Variants in VPS35 observed in about 807,000 individuals in gnomAD.
VPS35 encodes VPS35 retromer complex component, also known as vacuolar protein sorting-associated protein 35.
Under a neutral mutation model 98.1 loss-of-function variants are expected in VPS35, and 21 were observed. That is an observed-to-expected ratio of 0.21 (90% CI 0.15 to 0.31). The LOEUF (loss-of-function observed/expected upper bound fraction) is 0.31. VPS35 is among the 10% of genes least tolerant of loss of function. The pLI is 1.00. For synonymous variants in VPS35, 268 were observed against 318.2 expected, an observed-to-expected ratio of 0.84 and a Z score of 1.68; for missense variants, 554 against 950.8, an observed-to-expected ratio of 0.58 and a Z score of 5.49.
intron 13 of VPS35, 86 bp from the exon 14 acceptor site, chr16:46,663,248 T>A: frequency 8.0e-7 from 1 of 1,245,136 alleles, no homozygotes; most frequent in Non-Finnish European, 1.1e-6. Flanking sequence ...CAAAATACTG[T>A]AAGTTGTGTG....
intron 6 of VPS35, 139 bp from the exon 7 acceptor site, chr16:46,677,537 A>C: frequency 2.6e-6 from 2 of 759,048 alleles, no homozygotes; most frequent in South Asian, 3.2e-5. Flanking sequence ...CTAAACTTTA[A>C]AAGCTTTTTT....
chr16:46,681,585 T>C, intron 3 of VPS35, 85 bp from the exon 4 acceptor site: 1 of 1,472,740 alleles, frequency 6.8e-7, no homozygotes, highest in South Asian at 1.2e-5. Flanking sequence ...TACTAACTAC[T>C]GGGCAGACAT....
At chr16:46,666,234 T>G (rs902883055) in intron 13 of VPS35, among the ~76,000 whole-genome samples, 2 of 149,620 alleles carry the variant, frequency 1.3e-5, no homozygotes, top group Admixed American at 1.3e-4. Context: ...GCTAGGACTA[T>G]AGGCATGTAC....
intron 1 of VPS35, among the ~76,000 whole-genome samples, chr16:46,686,088 C>G (rs111605519): frequency 6.6e-6 from 1 of 152,220 alleles, no homozygotes; most frequent in Non-Finnish European, 1.5e-5. Context: ...CTTCTTTTCT[C>G]TGAGTTTGAC....
intron 12 of VPS35, among the ~76,000 whole-genome samples, chr16:46,669,496 G>A (rs979182992): frequency 4.6e-5 from 7 of 151,964 alleles, no homozygotes; most frequent in South Asian, 2.1e-4. Context: ...GGGAAACCCT[G>A]TATCTACTAA....
chr16:46,663,169 C>T lies in VPS35; in HGVS notation c.1648-7G>A. Reference sequence around the variant, plus strand: ...TCTTTTCCCATTTGTCATCCTAAAACAAGAAAAAACATTTTAAGTTACCTT... The same window carrying T: ...TCTTTTCCCATTTGTCATCCTAAAATAAGAAAAAACATTTTAAGTTACCTT... On this transcript the variant is annotated splice_polypyrimidine_tract_variant and splice_region_variant and intron_variant, in intron 13 of 16. Coordinates refer to ENST00000299138, the MANE Select transcript of VPS35 (RefSeq NM_018206.6). The T allele has an allele frequency of 6.2e-7, 1 of 1,611,718 alleles. No homozygotes were observed.
chr16:46,677,943 A>G (rs2143008313), intron 6 of VPS35, among the ~76,000 whole-genome samples: 1 of 152,258 alleles, frequency 6.6e-6, no homozygotes, highest in African/African-American at 2.4e-5. Flanking sequence ...TGTTTTTTCT[A>G]TATGGTATGA....
intron 1 of VPS35, among the ~76,000 whole-genome samples, chr16:46,685,093 T>G (rs1472744176): frequency 6.6e-6 from 1 of 152,202 alleles, no homozygotes; most frequent in African/African-American, 2.4e-5. Flanking sequence ...CCAAAGGTGG[T>G]GATTGTACAG....
intron 12 of VPS35, among the ~76,000 whole-genome samples, chr16:46,670,783 A>G (rs1966056882): frequency 6.6e-6 from 1 of 152,212 alleles, no homozygotes; most frequent in African/African-American, 2.4e-5. Flanking sequence ...AGACCATCAC[A>G]CTATCAACAG....
At chr16:46,667,135 C>A (rs948491188) in intron 13 of VPS35, among the ~76,000 whole-genome samples, 4 of 152,176 alleles carry the variant, frequency 2.6e-5, no homozygotes, top group Non-Finnish European at 5.9e-5. Context: ...ACTTGATTTT[C>A]TGTTTTTTTG....
rs1965842187 is a variant in VPS35 at position 46,656,169 on chromosome 16, A to T, written c.*4303T>A. 6.6e-6 allele frequency: 1 copy of T among 152,042 alleles called. No individual in the cohort carries two copies. Among genetic ancestry groups the T allele is most frequent in the African/African-American group, 2.4e-5 (1 of 41,378 alleles). 9.4% of individuals were successfully genotyped at this position (152,042 alleles called of 1,614,324 possible). On this transcript the variant is annotated 3_prime_UTR_variant, in exon 17 of 17. Transcript: ENST00000299138. The stretch of plus-strand genomic sequence containing the variant: ...TAGATTTTACATTTTACATTTGCAA[A>T]ACCATACTAGAAGATACGGCTCCTT...
chr16:46,678,843 GT>G, intron 6 of VPS35, 99 bp downstream of exon 6: 2 of 1,244,044 alleles, frequency 1.6e-6, no homozygotes, highest in Non-Finnish European at 2.3e-6. Context: ...ATTTTAAGAT[GT>G]TTTTCAATGT....
intron 10 of VPS35, chr16:46,673,581 A>G (rs1389179307): frequency 6.6e-6 from 1 of 152,534 alleles, no homozygotes; most frequent in East Asian, 1.9e-4. Context: ...AGTGGCCACT[A>G]GAGGACGCCA....
chr16:46,669,055 G>T lies in VPS35; in HGVS notation c.1525-3C>A, dbSNP rs1482647778. 1 of 1,613,822 alleles carries T rather than the reference G, an allele frequency of 6.2e-7. No individual in the cohort carries two copies. The highest frequency in any genetic ancestry group is 1.1e-5 in the South Asian group (1 of 91,050). ...TGTTTTCGTGCTGTGTTCAAAATCT[G>T]ACCCAAAAGCATTAAAGAAAAAAAA... On this transcript the variant is annotated splice_region_variant and splice_polypyrimidine_tract_variant and intron_variant, in intron 12 of 16. Coordinates refer to ENST00000299138, the MANE Select transcript of VPS35 (RefSeq NM_018206.6).
At chr16:46,672,216 T>G (rs1338159697) in intron 11 of VPS35, 49 bp downstream of exon 11, 1 of 1,564,652 alleles carries the variant, frequency 6.4e-7, no homozygotes, top group Admixed American at 1.7e-5. Context: ...GTCCAAAGTC[T>G]AAAATTGTAA....
chr16:46,679,291 TTA>T, intron 5 of VPS35, 135 bp from the exon 6 acceptor site: 1 of 830,582 alleles, frequency 1.2e-6, no homozygotes, highest in South Asian at 1.6e-5. Context: ...CTTCATTGGC[TTA>T]GTGTTAAATT....
Position 46,660,186 on chromosome 16 carries a change from TTTGTG to T in VPS35, c.*281_*285del, listed in dbSNP as rs1157892963. ...GTAGCCAAGATAAGTGCTTGTGGGT[TTTGTG>T]TTTTTTTTTTTTTTTTTTTTTACAG... On this transcript the variant is annotated 3_prime_UTR_variant, in exon 17 of 17. Transcript: ENST00000299138. The T allele has an allele frequency of 6.8e-5, 8 of 117,294 alleles. No individual in the cohort carries two copies. Among genetic ancestry groups the T allele is most frequent in the South Asian group, 5.8e-4 (2 of 3,464 alleles). 7.3% of individuals were successfully genotyped at this position (117,294 alleles called of 1,614,324 possible). A position where few individuals can be genotyped will look rare whatever the true frequency, so the allele number is the denominator to read the frequency against.
chr16:46,688,961 G>T, intron 1 of VPS35, 170 bp downstream of exon 1: 1 of 1,504,778 alleles, frequency 6.6e-7, no homozygotes, highest in Non-Finnish European at 8.9e-7. Flanking sequence ...GGATCAGCCT[G>T]CCCGCGGCCT....
chr16:46,677,974 G>GT (rs929397419), intron 6 of VPS35, among the ~76,000 whole-genome samples: 1 of 152,162 alleles, frequency 6.6e-6, no homozygotes, highest in Non-Finnish European at 1.5e-5. Context: ...AAGGTTCAGG[G>GT]TTTTTTGTTT....
Sources: gnomAD v4.1 joint callset for allele counts (sites outside exome capture counted in the v4.1 genomes callset) on GRCh38, gnomAD v4.1.1 for gene constraint, MANE v1.5 for transcripts, NCBI Gene and HGNC (gene_info 2026-07-23, HGNC 2026-07-21) for gene names.